Variants in INTS6 observed in about 807,000 individuals in gnomAD.
The protein encoded by INTS6 is DEAD box protein.
A neutral mutation model predicts 104.9 loss-of-function variants in INTS6; 16 were observed. That is an observed-to-expected ratio of 0.15 (90% CI 0.10 to 0.23). INTS6 has a LOEUF of 0.23. INTS6 is among the 10% of genes least tolerant of loss of function. INTS6 has a pLI of 1.00. For missense variants in INTS6, 584 were observed against 1,062.8 expected (o/e 0.55, Z 6.26); for synonymous variants, 324 against 358.7 (o/e 0.90, Z 1.09).
intron 4 of INTS6, among the ~76,000 whole-genome samples, chr13:51,406,699 A>C (rs1044417310): frequency 6.6e-6 from 1 of 152,046 alleles, no homozygotes; most frequent in African/African-American, 2.4e-5. Flanking sequence ...TAATAATATT[A>C]CTCAGCATGG....
chr13:51,347,961 C>A, the INTS6 span, among the ~76,000 whole-genome samples: 1 of 152,068 alleles, frequency 6.6e-6, no homozygotes, highest in Non-Finnish European at 1.5e-5. Flanking sequence ...CATCGTCCCC[C>A]CCCCCATACC....
chr13:51,451,906 G>T, intron 2 of INTS6, 72 bp downstream of exon 2: 5 of 1,080,504 alleles, frequency 4.6e-6, no homozygotes, highest in Admixed American at 3.9e-5. Context: ...GGGTGAATGG[G>T]GGGGCGGGGA....
the INTS6 span, among the ~76,000 whole-genome samples, chr13:51,338,249 T>C: frequency 6.6e-6 from 1 of 152,160 alleles, no homozygotes; most frequent in Non-Finnish European, 1.5e-5. Context: ...CAGCTCACAA[T>C]GTGACAAGGC....
intron 4 of INTS6, among the ~76,000 whole-genome samples, chr13:51,404,915 A>C (rs992281386): frequency 6.9e-6 from 1 of 144,478 alleles, no homozygotes. Context: ...ATTTAATGAA[A>C]GGCAACACAT....
Position 51,364,428 on chromosome 13 carries a change from C to A in INTS6, c.*1324G>T. 2.1e-6 allele frequency: 1 copy of A among 481,678 alleles called. No homozygotes were observed. Among genetic ancestry groups the A allele is most frequent in the Non-Finnish European group, 3.6e-6 (1 of 277,128 alleles). The allele number at this position is 481,678 out of a possible 1,614,324, so 29.8% of individuals were successfully genotyped here. ...CAATATTATAAACCTAAAAATACTT[C>A]AGTTTTTAAATGTTATAAGTTTATT... On this transcript the variant is annotated 3_prime_UTR_variant, in exon 18 of 18. Transcript: ENST00000311234.
At chr13:51,340,948 T>C in the INTS6 span, 4 of 852,806 alleles carry the variant, frequency 4.7e-6, no homozygotes, top group Non-Finnish European at 7.2e-6. Flanking sequence ...GACAGCTCAA[T>C]GCATCTCTCC....
At chr13:51,446,596 C>CT (rs1375255071) in intron 3 of INTS6, 2 of 152,152 alleles carry the variant, frequency 1.3e-5, no homozygotes, top group African/African-American at 4.8e-5. Context: ...CAAAAAGTTA[C>CT]TTACACAACC....
chr13:51,452,683 T>C lies in INTS6; in HGVS notation c.-158A>G. On this transcript the variant is annotated 5_prime_UTR_variant, in exon 1 of 18. Transcript: ENST00000311234. The surrounding 1 kb of genome is among the most constrained non-coding windows in gnomAD (Gnocchi z 4.2). ...GTCTTTCCTCCGGCTGCGGGGAGTT[T>C]CTCCCCCGATAGTTGAGAGGAAACT... 1.4e-6 allele frequency: 2 copies of C among 1,399,924 alleles called. No homozygotes were observed. The highest frequency in any genetic ancestry group is 1.4e-5 in the South Asian group (1 of 72,690). The allele number at this position is 1,399,924 out of a possible 1,614,324, so 86.7% of individuals were successfully genotyped here.
chr13:51,389,828 C>A (rs1956212752), intron 5 of INTS6, among the ~76,000 whole-genome samples: 1 of 152,102 alleles, frequency 6.6e-6, no homozygotes. Context: ...CATATACACA[C>A]ACACATCTAG....
chr13:51,342,358 G>T, the INTS6 span, among the ~76,000 whole-genome samples: 1 of 152,058 alleles, frequency 6.6e-6, no homozygotes, highest in Non-Finnish European at 1.5e-5. Context: ...TTGTTAATCT[G>T]TCTGGGCCTC....
At chr13:51,448,362 A>T (rs1952966313) in intron 3 of INTS6, 1 of 152,222 alleles carries the variant, frequency 6.6e-6, no homozygotes. Context: ...TAGAAATATC[A>T]GTAAATGGTA....
At chr13:51,355,024 G>A (rs754835685) in intron 3 of INTS6, 22 of 1,268,288 alleles carry the variant, frequency 1.7e-5, no homozygotes, top group Non-Finnish European at 2.4e-5. Context: ...AAAGTTGATG[G>A]TTTGTTTTTG....
chr13:51,386,048 G>A (rs972162734), intron 7 of INTS6, among the ~76,000 whole-genome samples: 2 of 152,106 alleles, frequency 1.3e-5, no homozygotes, highest in East Asian at 1.9e-4. Flanking sequence ...TACTCTCAAT[G>A]TCCTATATAC....
chr13:51,349,955 T>A (rs182263407), downstream of INTS6, among the ~76,000 whole-genome samples: 1 of 152,178 alleles, frequency 6.6e-6, no homozygotes, highest in Admixed American at 6.5e-5. Context: ...TTAAATCCTT[T>A]GGGGAACAAA....
intron 5 of INTS6, among the ~76,000 whole-genome samples, chr13:51,393,070 C>A (rs763376523): frequency 8.2e-4 from 123 of 150,424 alleles, no homozygotes; most frequent in Middle Eastern, 3.5e-3. Context: ...ACATAAACAA[C>A]TAAATTTTTT....
Position 51,408,146 on chromosome 13 carries a change from G to GA in INTS6, c.430-12664_430-12663insT, listed in dbSNP as rs748545221. Among the ~76,000 whole-genome samples the GA allele has an allele frequency of 2.1e-5, 3 of 141,060 alleles. No individual in the cohort carries two copies. In the Admixed American group the frequency reaches 2.1e-4, roughly 10 times the overall value. 92.5% of individuals were successfully genotyped at this position (141,060 alleles called of 152,430 possible). On this transcript the variant is annotated intron_variant, in intron 4 of 17. Coordinates refer to ENST00000311234, the MANE Select transcript of INTS6 (RefSeq NM_012141.3). ...AGACTAGAATAAACCATTGAGATGG[G>GA]TTTTTTTTTTTTTTGAAATGGAGTT...
intron 15 of INTS6, among the ~76,000 whole-genome samples, chr13:51,371,659 C>T (rs184293168): frequency 3.3e-5 from 5 of 152,098 alleles, no homozygotes; most frequent in African/African-American, 1.2e-4. Flanking sequence ...CTACTTGGAT[C>T]CCAGGCACTG....
chr13:51,358,989 G>A (rs910436242), downstream of INTS6, among the ~76,000 whole-genome samples: 11 of 152,170 alleles, frequency 7.2e-5, no homozygotes, highest in African/African-American at 2.6e-4. Context: ...ATAAAAGTTA[G>A]CAGATTAGCA....
downstream of INTS6, among the ~76,000 whole-genome samples, chr13:51,358,572 G>A (rs563014695): frequency 6.6e-6 from 1 of 152,038 alleles, no homozygotes; most frequent in African/African-American, 2.4e-5. Context: ...GAACATTAAG[G>A]CCATTCGTAT....
Sources: allele counts gnomAD v4.1 joint callset (sites outside exome capture counted in the v4.1 genomes callset), GRCh38; gene constraint gnomAD v4.1.1; non-coding constraint Gnocchi (gnomAD v3.1); transcripts MANE v1.5; gene names NCBI Gene and HGNC (gene_info 2026-07-23, HGNC 2026-07-21).